The following CCDC50 variants were observed in gnomAD, a reference collection of about 807,000 sequenced individuals.
The protein encoded by CCDC50 is coiled-coil domain-containing protein 50.
Under a neutral mutation model 70.2 loss-of-function variants are expected in CCDC50, and 54 were observed. The ratio of observed to expected loss-of-function variants is 0.77; its 90% CI spans 0.62 to 0.96. The LOEUF (loss-of-function observed/expected upper bound fraction) is 0.96, where lower values mean the gene tolerates loss of function less well. Ranked by LOEUF, CCDC50 falls within the 50% of genes least tolerant of loss-of-function variation. The probability of loss-of-function intolerance (pLI) is 0.00; values close to 1 mark genes in which losing one functional copy is unlikely to be tolerated. For missense variants in CCDC50, 558 were observed against 578.7 expected (o/e 0.96, Z 0.37); for synonymous variants, 216 against 198.8 (o/e 1.09, Z -0.73).
Position 191,375,254 on chromosome 3 carries a change from A to G in CCDC50, c.641A>G (p.Asp214Gly), listed in dbSNP as rs772943550. The G allele has an allele frequency of 5.6e-6, 9 of 1,613,652 alleles. No individual in the cohort carries two copies. Among genetic ancestry groups the G allele is most frequent in the East Asian group, 2.2e-5 (1 of 44,870 alleles). ...TCCTCTAGCTCGGGCAAAGGGAGGG[A>G]CAATCCCCATATTAACAATGAGCAG... is the stretch of plus-strand genomic sequence containing the variant. The part of the protein sequence containing the change: ...LSSSSSGKGR[D>G]NPHINNEQHE... The change falls in exon 6 of 12, where the codon GAC becomes GGC. Residue 214 changes from aspartate (D) to glycine (G), a missense_variant. Transcript: ENST00000392455.
At chr3:191,386,150 A>C (rs1411004967) in intron 10 of CCDC50, among the ~76,000 whole-genome samples, 1 of 152,004 alleles carries the variant, frequency 6.6e-6, no homozygotes, top group African/African-American at 2.4e-5. Context: ...TTAAATCTGC[A>C]AAAAGTGACG....
intron 1 of CCDC50, 102 bp downstream of exon 1, chr3:191,329,825 C>T (rs906792809): frequency 8.2e-6 from 10 of 1,216,862 alleles, no homozygotes; most frequent in Non-Finnish European, 1.2e-5. Flanking sequence ...GGCCCTCGCC[C>T]GGTGCCCGCC....
In CCDC50 at chr3:191,397,010, C is replaced by G. The variant is rs1713882951; in HGVS notation, c.*5250C>G. 6.6e-6 allele frequency: 1 copy of G among 152,116 alleles called. No individual in the cohort carries two copies. Among genetic ancestry groups the G allele is most frequent in the Admixed American group, 6.5e-5 (1 of 15,280 alleles). 9.4% of individuals were successfully genotyped at this position (152,116 alleles called of 1,614,324 possible). On this transcript the variant is annotated 3_prime_UTR_variant, in exon 12 of 12. Coordinates refer to ENST00000392455, the MANE Select transcript of CCDC50 (RefSeq NM_178335.3). ...GAGTTAACTTCATAGCATAGAGAAC[C>G]AGCACTGTGCAGGTTTCAGCATTTC...
At chr3:191,336,524 A>G (rs1478268707) in intron 1 of CCDC50, among the ~76,000 whole-genome samples, 1 of 151,928 alleles carries the variant, frequency 6.6e-6, no homozygotes, top group African/African-American at 2.4e-5. Flanking sequence ...CTATTTTCTT[A>G]TTATTGAATT....
intron 4 of CCDC50, among the ~76,000 whole-genome samples, chr3:191,366,239 A>G (rs1215261873): frequency 2.0e-5 from 3 of 152,180 alleles, no homozygotes; most frequent in Non-Finnish European, 2.9e-5. Context: ...CTTTAAAGCT[A>G]AAGAATTTGA....
intron 10 of CCDC50, among the ~76,000 whole-genome samples, chr3:191,383,837 G>A (rs1291158206): frequency 6.6e-6 from 1 of 152,166 alleles, no homozygotes; most frequent in African/African-American, 2.4e-5. Flanking sequence ...TTAAGCACAT[G>A]CCAAACATTT....
chr3:191,388,711 A>G (rs1713582118), intron 10 of CCDC50, among the ~76,000 whole-genome samples: 2 of 152,206 alleles, frequency 1.3e-5, no homozygotes, highest in Non-Finnish European at 2.9e-5. Context: ...GATTTTACAT[A>G]TAAATGTACA....
chr3:191,360,983 G>A lies in CCDC50; in HGVS notation c.240-86G>A, dbSNP rs912172344. ...AAAAATAATGTACTTCTCATATAGT[G>A]AGTATTCAATAAATTGTATTTATTA... On this transcript the variant is annotated intron_variant, in intron 3 of 11. Coordinates refer to ENST00000392455, the MANE Select transcript of CCDC50 (RefSeq NM_178335.3). 3 of 874,094 alleles carry A rather than the reference G, an allele frequency of 3.4e-6. No homozygotes were observed. In the African/African-American group the frequency reaches 5.0e-5, roughly 15 times the overall value. The allele number at this position is 874,094 out of a possible 1,614,324, so 54.1% of individuals were successfully genotyped here. A position where few individuals can be genotyped will look rare whatever the true frequency, so the allele number is the denominator to read the frequency against.
intron 7 of CCDC50, 61 bp from the exon 8 acceptor site, chr3:191,380,626 C>G: frequency 6.7e-7 from 1 of 1,491,898 alleles, no homozygotes; most frequent in African/African-American, 1.4e-5. Context: ...GTACAAGATA[C>G]TGAAAATGCA....
At chr3:191,385,139 T>C (rs1265209729) in intron 10 of CCDC50, among the ~76,000 whole-genome samples, 2 of 152,218 alleles carry the variant, frequency 1.3e-5, no homozygotes, top group Non-Finnish European at 2.9e-5. Context: ...TTCATGTGTC[T>C]TTTTGATAGA....
intron 4 of CCDC50, among the ~76,000 whole-genome samples, chr3:191,365,423 A>G (rs1712649855): frequency 6.6e-6 from 1 of 152,168 alleles, no homozygotes; most frequent in Non-Finnish European, 1.5e-5. Flanking sequence ...CCATTTAGCT[A>G]TTAAAAATTT....
chr3:191,346,445 C>G (rs1362905264), intron 1 of CCDC50, among the ~76,000 whole-genome samples: 1 of 152,100 alleles, frequency 6.6e-6, no homozygotes, highest in African/African-American at 2.4e-5. Flanking sequence ...TCAAGTATTT[C>G]AAATATAGTC....
intron 5 of CCDC50, chr3:191,370,247 G>T (rs987098088): frequency 6.7e-6 from 3 of 444,812 alleles, no homozygotes; most frequent in Non-Finnish European, 1.3e-5. Context: ...AAGTTTTAGG[G>T]TACATGTGCA....
chr3:191,357,985 C>G lies in CCDC50; in HGVS notation c.113-13C>G. 6.2e-7 allele frequency: 1 copy of G among 1,613,844 alleles called. No individual in the cohort carries two copies. Among genetic ancestry groups the G allele is most frequent in the Non-Finnish European group, 8.5e-7 (1 of 1,179,788 alleles). On this transcript the variant is annotated splice_polypyrimidine_tract_variant and intron_variant, in intron 2 of 11. Coordinates refer to ENST00000392455, the MANE Select transcript of CCDC50 (RefSeq NM_178335.3). ...GACATTATTCATTCCTGTCCTCAAT[C>G]TTTTTGTTCCAGTTGAGCATCATTT...
chr3:191,368,987 A>C (rs2108657916), intron 4 of CCDC50, among the ~76,000 whole-genome samples: 1 of 152,258 alleles, frequency 6.6e-6, no homozygotes, highest in South Asian at 2.1e-4. Context: ...CAGACTTCTT[A>C]AGATTGTCTA....
rs1260207759 is a variant in CCDC50, at chr3:191,358,056, G to A, written c.171G>A (p.Gln57=). The A allele has an allele frequency of 6.2e-7, 1 of 1,614,068 alleles. No homozygotes were observed. Among genetic ancestry groups the A allele is most frequent in the South Asian group, 1.1e-5 (1 of 91,076 alleles). Residue 57 remains glutamine (Q), a synonymous_variant, in exon 3 of 12, where the codon CAG becomes CAA. Transcript: ENST00000392455. ...ACCGTTTGGTCCAGCATGATCTCCA[G>A]GTGGCTAAGCAGCTCCAAGAGGAAG... ...QRNRLVQHDL[Q]VAKQLQEEDL...
At position 191,394,270 on chromosome 3, in the gene CCDC50, TATC is replaced by T. The variant is rs1462393640; in HGVS notation, c.*2512_*2514del. 1 of 152,136 alleles carries T rather than the reference TATC, an allele frequency of 6.6e-6. No homozygotes were observed. The highest frequency in any genetic ancestry group is 2.4e-5 in the African/African-American group (1 of 41,440). 9.4% of individuals were successfully genotyped at this position (152,136 alleles called of 1,614,324 possible). A position where few individuals can be genotyped will look rare whatever the true frequency, so the allele number is the denominator to read the frequency against. ...TGTAAAGCAAACACTTTTAAAATAA[TATC>T]AGAGTAATTATTACCCTATGAATAA... is the stretch of plus-strand genomic sequence containing the variant. On this transcript the variant is annotated 3_prime_UTR_variant, in exon 12 of 12. Coordinates refer to ENST00000392455, the MANE Select transcript of CCDC50 (RefSeq NM_178335.3).
In CCDC50 at chr3:191,396,926, G is replaced by A. The variant is rs575382028; in HGVS notation, c.*5166G>A. 18 of 152,250 alleles carry A rather than the reference G, an allele frequency of 1.2e-4. No individual in the cohort carries two copies. The highest frequency in any genetic ancestry group is 3.9e-4 in the African/African-American group (16 of 41,556). The allele number at this position is 152,250 out of a possible 1,614,324, so 9.4% of individuals were successfully genotyped here. ...AACACTGCCTAGTAACATTTTAATAGATTTAAGATGCATTTGTACATTCTC... is the reference window on the plus strand; with the variant it reads ...AACACTGCCTAGTAACATTTTAATAAATTTAAGATGCATTTGTACATTCTC... On this transcript the variant is annotated 3_prime_UTR_variant, in exon 12 of 12. Coordinates refer to ENST00000392455, the MANE Select transcript of CCDC50 (RefSeq NM_178335.3).
intron 10 of CCDC50, among the ~76,000 whole-genome samples, chr3:191,386,819 A>G (rs771103799): frequency 2.6e-5 from 4 of 152,212 alleles, no homozygotes; most frequent in Non-Finnish European, 4.4e-5. Flanking sequence ...TGTTGAAAGA[A>G]GTTTTCTACT....
Sources: allele counts gnomAD v4.1 joint callset (sites outside exome capture counted in the v4.1 genomes callset), GRCh38; gene constraint gnomAD v4.1.1; transcripts MANE v1.5; gene names NCBI Gene and HGNC (gene_info 2026-07-23, HGNC 2026-07-21).